The following FARS2 variants were observed in gnomAD, a reference collection of about 807,000 sequenced individuals.
FARS2 encodes phenylalanyl-tRNA synthetase 2, mitochondrial.
Under a neutral mutation model 46.4 loss-of-function variants are expected in FARS2, and 40 were observed. That is an observed-to-expected ratio of 0.86 (90% CI 0.67 to 1.12). FARS2 has a LOEUF of 1.12. Among genes scored for constraint, FARS2 ranks in the 50% most tolerant of loss-of-function variants. The probability of loss-of-function intolerance (pLI) is 0.00; values close to 1 mark genes in which losing one functional copy is unlikely to be tolerated. For synonymous variants in FARS2, 234 were observed against 214.9 expected, an observed-to-expected ratio of 1.09 and a Z score of -0.78; for missense variants, 513 against 567.9, an observed-to-expected ratio of 0.90 and a Z score of 0.98.
intron 4 of FARS2, among the ~76,000 whole-genome samples, chr6:5,474,283 C>T (rs776108277): frequency 1.3e-5 from 2 of 152,130 alleles, no homozygotes; most frequent in East Asian, 1.9e-4. Context: ...TTATTATTGA[C>T]ATATGTTGGG....
chr6:5,614,961 G>A (rs1171698955), intron 6 of FARS2, among the ~76,000 whole-genome samples: 1 of 152,150 alleles, frequency 6.6e-6, no homozygotes, highest in Non-Finnish European at 1.5e-5. Context: ...AGTGCTGCTC[G>A]ATTGTCCTCT....
At chr6:5,364,063 A>G (rs751427005) in intron 1 of FARS2, among the ~76,000 whole-genome samples, 1 of 152,230 alleles carries the variant, frequency 6.6e-6, no homozygotes, top group Non-Finnish European at 1.5e-5. Context: ...TGAACAAACA[A>G]CAAAAATCCA....
At chr6:5,770,630 C>T (rs921491176) in intron 6 of FARS2, among the ~76,000 whole-genome samples, 3 of 152,196 alleles carry the variant, frequency 2.0e-5, no homozygotes, top group Admixed American at 6.5e-5. Context: ...GTCTTAGCAC[C>T]TGCCATGCAA....
At chr6:5,673,741 G>A (rs897219767) in intron 6 of FARS2, among the ~76,000 whole-genome samples, 5 of 152,126 alleles carry the variant, frequency 3.3e-5, no homozygotes, top group Admixed American at 1.3e-4. Flanking sequence ...ACAGGGTGCC[G>A]TAGTTCACAG....
intron 6 of FARS2, among the ~76,000 whole-genome samples, chr6:5,760,554 TG>T: frequency 6.6e-6 from 1 of 152,208 alleles, no homozygotes; most frequent in Non-Finnish European, 1.5e-5. Flanking sequence ...CAGTTTTTCC[TG>T]TCGCTTTCTT....
intron 1 of FARS2, among the ~76,000 whole-genome samples, chr6:5,362,975 G>A (rs555140354): frequency 6.8e-4 from 94 of 137,232 alleles, no homozygotes; most frequent in African/African-American, 2.6e-3. Flanking sequence ...CGCCCAGGCT[G>A]GAGTGCAGTG....
At position 5,527,087 on chromosome 6, in the gene FARS2, T is replaced by C. The variant is rs902245257; in HGVS notation, c.905-18093T>C. 3.9e-5 allele frequency among the ~76,000 whole-genome samples: 6 copies of C among 152,366 alleles called. No homozygotes were observed. In the South Asian group the frequency reaches 6.2e-4, roughly 16 times the overall value. On this transcript the variant is annotated intron_variant, in intron 4 of 6. Coordinates refer to ENST00000274680, the MANE Select transcript of FARS2 (RefSeq NM_006567.5). ...TAATGTATACAGTATTATATAGATATACATAAAAGTTATTCAACTGCTATA... is the reference window on the plus strand; with the variant it reads ...TAATGTATACAGTATTATATAGATACACATAAAAGTTATTCAACTGCTATA...
intron 6 of FARS2, among the ~76,000 whole-genome samples, chr6:5,737,949 C>T (rs1040039768): frequency 6.6e-6 from 1 of 152,044 alleles, no homozygotes; most frequent in African/African-American, 2.4e-5. Flanking sequence ...TGTTATTATT[C>T]TTGTTGTTGT....
intron 2 of FARS2, among the ~76,000 whole-genome samples, chr6:5,385,734 A>T (rs550909020): frequency 6.6e-6 from 1 of 152,026 alleles, no homozygotes. Context: ...GGGTGTTTCT[A>T]TGGTAAGAAA....
chr6:5,342,865 G>A (rs1561971436), intron 1 of FARS2, among the ~76,000 whole-genome samples: 1 of 152,162 alleles, frequency 6.6e-6, no homozygotes, highest in Non-Finnish European at 1.5e-5. Flanking sequence ...ATAGGAGGGA[G>A]TGAGAGAGAA....
At chr6:5,342,701 G>A (rs995487118) in intron 1 of FARS2, among the ~76,000 whole-genome samples, 2 of 151,254 alleles carry the variant, frequency 1.3e-5, no homozygotes, top group African/African-American at 2.4e-5. Context: ...GCAGTGAGCC[G>A]AGATCACGCC....
intron 1 of FARS2, among the ~76,000 whole-genome samples, chr6:5,342,515 G>A (rs1425259141): frequency 6.6e-6 from 1 of 152,182 alleles, no homozygotes; most frequent in Non-Finnish European, 1.5e-5. Flanking sequence ...CACTTTGGGA[G>A]GCTGAGGTGG....
chr6:5,532,535 G>A (rs9378961), intron 4 of FARS2, among the ~76,000 whole-genome samples: 86,473 of 152,012 alleles, frequency 0.57, 25,125 homozygotes, highest in African/African-American at 0.63. Context: ...GTGGATCACA[G>A]CGTCAGGCGT....
intron 4 of FARS2, among the ~76,000 whole-genome samples, chr6:5,457,626 C>T (rs1764975421): frequency 6.6e-6 from 1 of 152,090 alleles, no homozygotes; most frequent in Non-Finnish European, 1.5e-5. Flanking sequence ...TTTTTAATCT[C>T]CTAAAGCACC....
chr6:5,436,799 T>C (rs1314955904), intron 4 of FARS2, among the ~76,000 whole-genome samples: 1 of 152,180 alleles, frequency 6.6e-6, no homozygotes, highest in Non-Finnish European at 1.5e-5. Flanking sequence ...GATCAAGATA[T>C]GCATATTAAA....
At chr6:5,344,290 G>A (rs1277632040) in intron 1 of FARS2, among the ~76,000 whole-genome samples, 1 of 152,166 alleles carries the variant, frequency 6.6e-6, no homozygotes, top group Non-Finnish European at 1.5e-5. Context: ...TGGAGACGGA[G>A]GCACACAGGC....
intron 6 of FARS2, among the ~76,000 whole-genome samples, chr6:5,613,799 A>T (rs1775316516): frequency 6.6e-6 from 1 of 152,196 alleles, no homozygotes; most frequent in South Asian, 2.1e-4. Flanking sequence ...CTTGTGAGAG[A>T]GGCAGACGTT....
chr6:5,592,394 A>T (rs570724564), intron 5 of FARS2, among the ~76,000 whole-genome samples: 7 of 152,086 alleles, frequency 4.6e-5, no homozygotes, highest in Non-Finnish European at 5.9e-5. Context: ...TCCAAAAAAA[A>T]AAAACAGAAA....
chr6:5,598,897 A>ACGT (rs754018738), intron 5 of FARS2, among the ~76,000 whole-genome samples: 1 of 152,158 alleles, frequency 6.6e-6, no homozygotes, highest in Non-Finnish European at 1.5e-5. Flanking sequence ...ACTGGAAATC[A>ACGT]CGTCTTAAGT....
Sources: gnomAD v4.1 joint callset for allele counts (sites outside exome capture counted in the v4.1 genomes callset) on GRCh38, gnomAD v4.1.1 for gene constraint, MANE v1.5 for transcripts, NCBI Gene and HGNC (gene_info 2026-07-23, HGNC 2026-07-21) for gene names.